The following C14orf39 variants were observed in gnomAD, a reference collection of about 807,000 sequenced individuals.
C14orf39 encodes protein SIX6OS1.
A neutral mutation model predicts 85.6 loss-of-function variants in C14orf39; 66 were observed. That is an observed-to-expected ratio of 0.77 (90% CI 0.63 to 0.95). C14orf39 has a LOEUF of 0.95. Ranked by LOEUF, C14orf39 falls within the 40% of genes least tolerant of loss-of-function variation. C14orf39 has a pLI of 0.00. For synonymous variants in C14orf39, 242 were observed against 214.0 expected (o/e 1.13, Z -1.14); for missense variants, 735 against 663.9 (o/e 1.11, Z -1.18).
At chr14:60,490,251 A>G (rs566249567), upstream of C14orf39, among the ~76,000 whole-genome samples, 7 of 152,156 alleles carry the variant, frequency 4.6e-5, no homozygotes, top group African/African-American at 7.2e-5. Flanking sequence ...AATCCAAGTC[A>G]GTAATTGCAA....
In C14orf39 at chr14:60,484,347, A is replaced by G. The variant is rs1315105898; in HGVS notation, c.107-530T>C. On this transcript the variant is annotated intron_variant, in intron 3 of 17. Transcript: ENST00000321731. This position sits in a 1 kb window ranked among gnomAD's most constrained non-coding sequence, Gnocchi z 4.2. ...ATATTCTGTATTCTTTTTTGATTGC[A>G]GAAAATATAACCAAACTCTACCTTT... 6.6e-6 allele frequency among the ~76,000 whole-genome samples: 1 copy of G among 152,208 alleles called. No individual in the cohort carries two copies. Among genetic ancestry groups the G allele is most frequent in the Non-Finnish European group, 1.5e-5 (1 of 68,016 alleles).
chr14:60,461,198 T>C (rs1307516057), intron 13 of C14orf39, among the ~76,000 whole-genome samples, 156 bp downstream of exon 13: 2 of 152,032 alleles, frequency 1.3e-5, no homozygotes, highest in Non-Finnish European at 2.9e-5. Flanking sequence ...TAAAATGTAT[T>C]TGTTCTATAT....
rs1891511341 is a variant in C14orf39 at position 60,461,262 on chromosome 14, C to A, written c.1117+92G>T. On this transcript the variant is annotated intron_variant, in intron 13 of 17. Transcript: ENST00000321731. Reference sequence around the variant, plus strand: ...GTGCATGGTCAGTTAACCAGAGATGCAAATAATCGAAACAATTTATTTGAC... The same window carrying A: ...GTGCATGGTCAGTTAACCAGAGATGAAAATAATCGAAACAATTTATTTGAC... 15 of 1,083,340 alleles carry A rather than the reference C, an allele frequency of 1.4e-5. No individual in the cohort carries two copies. In the South Asian group the frequency reaches 2.0e-4, roughly 14 times the overall value. 67.1% of individuals were successfully genotyped at this position (1,083,340 alleles called of 1,614,324 possible).
At position 60,456,981 on chromosome 14, in the gene C14orf39, T is replaced by C; in HGVS notation, c.1294A>G (p.Lys432Glu). ...SEIPIFLGTPKAVKAPESLEK... is the reference protein window; with the variant it reads ...SEIPIFLGTPEAVKAPESLEK... ...AATGACTCAGGTGCTTTCACAGCTTTGGGAGTTCCTAAAAATATAGGAATT... is the reference window on the plus strand; with the variant it reads ...AATGACTCAGGTGCTTTCACAGCTTCGGGAGTTCCTAAAAATATAGGAATT... The change falls in exon 15 of 18, where the codon AAA (lysine) becomes GAA (glutamate). Residue 432 changes from lysine to glutamate, a missense_variant. Lys to Glu is a moderately conservative substitution (Grantham distance 56). Transcript: ENST00000321731. 6.2e-7 allele frequency: 1 copy of C among 1,611,564 alleles called. No individual in the cohort carries two copies. The highest frequency in any genetic ancestry group is 2.2e-5 in the East Asian group (1 of 44,718).
intron 11 of C14orf39, 24 bp downstream of exon 11, chr14:60,465,955 T>C: frequency 7.4e-7 from 1 of 1,350,496 alleles, no homozygotes; most frequent in South Asian, 1.4e-5. Flanking sequence ...ATTTAATTTA[T>C]ACTACTAAAA....
At chr14:60,503,867 G>T (rs368256751) in intron 1 of C14orf39, among the ~76,000 whole-genome samples, 1 of 152,214 alleles carries the variant, frequency 6.6e-6, no homozygotes, top group East Asian at 1.9e-4. Context: ...CTTTGTAAAT[G>T]CTTCAACTCC....
chr14:60,513,026 GC>G (rs1157139431), intron 1 of C14orf39, among the ~76,000 whole-genome samples: 1 of 152,236 alleles, frequency 6.6e-6, no homozygotes, highest in Non-Finnish European at 1.5e-5. Context: ...ACAAAAAGCA[GC>G]CAAACGGCAA....
chr14:60,476,683 G>C (rs2140140889), intron 5 of C14orf39, among the ~76,000 whole-genome samples: 1 of 152,212 alleles, frequency 6.6e-6, no homozygotes, highest in African/African-American at 2.4e-5. Flanking sequence ...TCATTTTTAA[G>C]AATTAATGTT....
chr14:60,456,150 T>C (rs1024408486), intron 15 of C14orf39, among the ~76,000 whole-genome samples: 2 of 151,910 alleles, frequency 1.3e-5, no homozygotes, highest in African/African-American at 4.8e-5. Context: ...TGAATTCTGC[T>C]TGACATATGT....
intron 5 of C14orf39, among the ~76,000 whole-genome samples, chr14:60,473,557 T>C (rs1892212401): frequency 6.6e-6 from 1 of 152,204 alleles, no homozygotes; most frequent in South Asian, 2.1e-4. Context: ...AAGTCTTTAA[T>C]CCATCTTGAA....
chr14:60,499,694 A>G (rs1262850381), intron 1 of C14orf39, among the ~76,000 whole-genome samples: 1 of 152,268 alleles, frequency 6.6e-6, no homozygotes, highest in Non-Finnish European at 1.5e-5. Context: ...TGTAAAAACT[A>G]TAGGTGATTG....
At chr14:60,450,218 T>C (rs936366516) in intron 16 of C14orf39, among the ~76,000 whole-genome samples, 1 of 152,066 alleles carries the variant, frequency 6.6e-6, no homozygotes, top group Non-Finnish European at 1.5e-5. Context: ...ACAAGCATGA[T>C]CTTGGGGTCC....
intron 1 of C14orf39, among the ~76,000 whole-genome samples, chr14:60,510,833 A>T (rs1358984878): frequency 1.3e-5 from 2 of 152,246 alleles, no homozygotes; most frequent in African/African-American, 4.8e-5. Flanking sequence ...CCCAGTATAT[A>T]AAAGACCTGG....
intron 13 of C14orf39, among the ~76,000 whole-genome samples, chr14:60,459,565 T>C (rs1891427660): frequency 6.6e-6 from 1 of 151,734 alleles, no homozygotes; most frequent in Admixed American, 6.6e-5. Context: ...AATTTAGGTA[T>C]GGTCTCAATA....
At position 60,501,225 on chromosome 14, in the gene C14orf39, T is replaced by C. The variant is rs1893141926; in HGVS notation, c.-143-1795A>G. ...AGAAGGCTGAGGTGTGAGGATGGCT[T>C]GAGCCAGGAGTTCGAGGTTGCAGTA... On this transcript the variant is annotated intron_variant, in intron 1 of 5. Coordinates refer to the C14orf39 transcript ENST00000556799. Among the ~76,000 whole-genome samples the C allele has an allele frequency of 2.0e-5, 3 of 147,618 alleles. No homozygotes were observed. The Admixed American group carries it at 2.1e-4, about 10-fold the overall frequency.
chr14:60,485,608 G>C (rs17097498), intron 1 of C14orf39, among the ~76,000 whole-genome samples: 3 of 152,158 alleles, frequency 2.0e-5, no homozygotes, highest in Non-Finnish European at 4.4e-5. Flanking sequence ...CAGCCAATTC[G>C]CATTACGGCA....
chr14:60,492,053 C>T (rs1225033326), intron 2 of C14orf39, among the ~76,000 whole-genome samples: 1 of 152,144 alleles, frequency 6.6e-6, no homozygotes, highest in African/African-American at 2.4e-5. Context: ...TGCAACAATA[C>T]CCACTTCACA....
chr14:60,477,453 CT>C (rs527801765), intron 5 of C14orf39, among the ~76,000 whole-genome samples: 116 of 152,126 alleles, frequency 7.6e-4, no homozygotes, highest in African/African-American at 2.7e-3. Context: ...AATTTTTATG[CT>C]ATATAATGTG....
rs1892994439 is a variant in C14orf39 at position 60,491,842 on chromosome 14, C to T, written c.-8-6756G>A. On this transcript the variant is annotated intron_variant, in intron 2 of 5. Coordinates refer to the C14orf39 transcript ENST00000556799. This position sits in a 1 kb window ranked among gnomAD's most constrained non-coding sequence, Gnocchi z 4.5. ...TCTCTCTCTCTCTCTCTCTCACACA[C>T]ACACACATCCCTATGTTAAAGCATG... Among the ~76,000 whole-genome samples the T allele has an allele frequency of 1.3e-5, 2 of 152,140 alleles. 1 individual carries two copies. The highest frequency in any genetic ancestry group is 2.9e-5 in the Non-Finnish European group (2 of 68,014).
Sources: gnomAD v4.1 joint callset for allele counts (sites outside exome capture counted in the v4.1 genomes callset) on GRCh38, gnomAD v4.1.1 for gene constraint, Gnocchi (gnomAD v3.1) non-coding constraint, MANE v1.5 for transcripts, NCBI Gene and HGNC (gene_info 2026-07-23, HGNC 2026-07-21) for gene names.